EPOR: variants seen among roughly 807,000 people sequenced by gnomAD.
EPOR encodes the protein erythropoietin receptor.
Under a neutral mutation model 34.3 loss-of-function variants are expected in EPOR, and 20 were observed. The observed-to-expected ratio is 0.58, with a 90% confidence interval of 0.41 to 0.85. EPOR has a LOEUF of 0.85. Ranked by LOEUF, EPOR falls within the 40% of genes least tolerant of loss-of-function variation. The pLI is 0.00. For synonymous variants in EPOR, 312 were observed against 299.0 expected (o/e 1.04, Z -0.45); for missense variants, 601 against 672.7 (o/e 0.89, Z 1.18).
intron 2 of EPOR, 100 bp from the exon 3 acceptor site, chr19:11,382,205 C>T (rs1968372583): frequency 3.1e-6 from 3 of 979,240 alleles, no homozygotes; most frequent in Admixed American, 2.1e-5. Context: ...CAAGGTCTAG[C>T]CTTGTGTGTG....
rs1187587458 is a variant in EPOR at position 11,383,412 on chromosome 19, G to A, written c.116-180C>T. The A allele has an allele frequency of 3.3e-6, 2 of 607,328 alleles. No individual in the cohort carries two copies. The highest frequency in any genetic ancestry group is 5.6e-6 in the Non-Finnish European group (2 of 357,964). The allele number at this position is 607,328 out of a possible 1,614,324, so 37.6% of individuals were successfully genotyped here. ...AGGTGGTGCCCCCCTAATTCCCAGG[G>A]GCAAGTTTCTCGCCTTACTGTCCCC... is the stretch of plus-strand genomic sequence containing the variant. On this transcript the variant is annotated intron_variant, in intron 1 of 7. Coordinates refer to ENST00000222139, the MANE Select transcript of EPOR (RefSeq NM_000121.4). This position sits in a 1 kb window ranked among gnomAD's most constrained non-coding sequence, Gnocchi z 4.9.
In EPOR at chr19:11,384,139, G is replaced by C. The variant is rs755572218; in HGVS notation, c.69C>G (p.Ala23=). 2 of 1,550,320 alleles carry C rather than the reference G, an allele frequency of 1.3e-6. No individual in the cohort carries two copies. Among genetic ancestry groups the C allele is most frequent in the Admixed American group, 3.9e-5 (2 of 50,888 alleles). The part of the protein sequence containing the change: ...GSLCLLLAGA[A]WAPPPNLPDP... ...CCGGGAGGTTAGGCGGGGGCGCCCA[G>C]GCGGCCCCAGCGAGCAGGAGACAAA... Residue 23 remains alanine (A), a synonymous_variant, in exon 1 of 8, where the codon GCC becomes GCG. Transcript: ENST00000222139.
rs762269631 is a variant in EPOR at position 11,379,818 on chromosome 19, C to T, written c.828-1040G>A. 4.3e-4 allele frequency among the ~76,000 whole-genome samples: 66 copies of T among 152,294 alleles called. No homozygotes were observed. In the Middle Eastern group the frequency reaches 0.01, roughly 24 times the overall value. Reference sequence around the variant, plus strand: ...CCAGGTTCAAGTGATTCTCCTGCCTCAGCCTCCCGAGTAGCGGGGATTACA... The same window carrying T: ...CCAGGTTCAAGTGATTCTCCTGCCTTAGCCTCCCGAGTAGCGGGGATTACA... On this transcript the variant is annotated intron_variant, in intron 6 of 7. Coordinates refer to ENST00000222139, the MANE Select transcript of EPOR (RefSeq NM_000121.4).
chr19:11,381,414 C>G lies in EPOR; in HGVS notation c.586-205G>C. On this transcript the variant is annotated intron_variant, in intron 4 of 7. Transcript: ENST00000222139. This position sits in a 1 kb window ranked among gnomAD's most constrained non-coding sequence, Gnocchi z 5.3. ...CTGGTACGAAAGGGCGGGACCCGGG[C>G]AATTTAATATCTGGGCTAGCACTCG... 2 of 694,172 alleles carry G rather than the reference C, an allele frequency of 2.9e-6. No individual in the cohort carries two copies. Among genetic ancestry groups the G allele is most frequent in the South Asian group, 3.6e-5 (2 of 54,874 alleles). The allele number at this position is 694,172 out of a possible 1,614,324, so 43.0% of individuals were successfully genotyped here.
In EPOR at chr19:11,383,609, A is replaced by C; in HGVS notation, c.116-377T>G. On this transcript the variant is annotated intron_variant, in intron 1 of 7. Transcript: ENST00000222139. The surrounding 1 kb of genome is among the most constrained non-coding windows in gnomAD (Gnocchi z 4.9). ...ATCGGCCCCGGCAGGCTCCCCGCCA[A>C]CCGATAGCGCCAACCGTGCCCCCCG... 4.2e-6 allele frequency: 1 copy of C among 237,166 alleles called. No homozygotes were observed. The highest frequency in any genetic ancestry group is 6.3e-5 in the South Asian group (1 of 15,940). The allele number at this position is 237,166 out of a possible 1,614,324, so 14.7% of individuals were successfully genotyped here.
At position 11,382,091 on chromosome 19, in the gene EPOR, T is replaced by C; in HGVS notation, c.266A>G (p.Lys89Arg). Reference protein sequence around the residue: ...FSYQLEDEPWKLCRLHQAPTA... With the variant: ...FSYQLEDEPWRLCRLHQAPTA... ...GGGAGCCTGGTGCAGGCGACACAGC[T>C]TCCATGGCTCATCCCTATGCGCCCA... The change falls in exon 3 of 8, where the codon AAG (lysine) becomes AGG (arginine). Residue 89 changes from lysine to arginine, a missense_variant. Physicochemically the swap from Lys to Arg is conservative, Grantham distance 26. Coordinates refer to ENST00000222139, the MANE Select transcript of EPOR (RefSeq NM_000121.4). 6.2e-7 allele frequency: 1 copy of C among 1,613,754 alleles called. No homozygotes were observed. Among genetic ancestry groups the C allele is most frequent in the Non-Finnish European group, 8.5e-7 (1 of 1,179,826 alleles).
rs528356712 is a variant in EPOR at position 11,377,796 on chromosome 19, C to CA, written c.*187dup. On this transcript the variant is annotated 3_prime_UTR_variant, in exon 8 of 8. Coordinates refer to ENST00000222139, the MANE Select transcript of EPOR (RefSeq NM_000121.4). ...ATATGTGTATATATATATATAGATA[C>CA]AAAAAAAAACTATACATATTTAAAA... is the stretch of plus-strand genomic sequence containing the variant. 521 of 737,932 alleles carry CA rather than the reference C, an allele frequency of 7.1e-4. 2 individuals are homozygous for CA. The highest frequency in any genetic ancestry group is 2.6e-3 in the African/African-American group (148 of 56,908). 45.7% of individuals were successfully genotyped at this position (737,932 alleles called of 1,614,324 possible). A position where few individuals can be genotyped will look rare whatever the true frequency, so the allele number is the denominator to read the frequency against.
rs1426751327 is a variant in EPOR at position 11,381,544 on chromosome 19, G to C, written c.585+148C>G. Reference sequence around the variant, plus strand: ...ACATTAGGAAAGGGGGTGTGTCTGTGGGCGTGGAACGGTCTTCAGCACCAG... The same window carrying C: ...ACATTAGGAAAGGGGGTGTGTCTGTCGGCGTGGAACGGTCTTCAGCACCAG... On this transcript the variant is annotated intron_variant, in intron 4 of 7. Transcript: ENST00000222139. The surrounding 1 kb of genome is among the most constrained non-coding windows in gnomAD (Gnocchi z 5.3). 1.2e-6 allele frequency: 1 copy of C among 818,890 alleles called. No homozygotes were observed. The highest frequency in any genetic ancestry group is 2.6e-5 in the Admixed American group (1 of 38,664). The allele number at this position is 818,890 out of a possible 1,614,324, so 50.7% of individuals were successfully genotyped here.
rs565787784 is a variant in EPOR at position 11,384,176 on chromosome 19, T to G, written c.32A>C (p.Gln11Pro). 5.2e-5 allele frequency: 81 copies of G among 1,548,700 alleles called. 1 individual carries two copies. The South Asian group carries it at 9.3e-4, about 18-fold the overall frequency. Residue 11 changes from glutamine to proline, a missense_variant, in exon 1 of 8, where the codon CAG becomes CCG. Gln to Pro is a moderately conservative substitution (Grantham distance 76). Coordinates refer to ENST00000222139, the MANE Select transcript of EPOR (RefSeq NM_000121.4). MDHLGASLWPQVGSLCLLLAG... is the reference protein window; with the variant it reads MDHLGASLWPPVGSLCLLLAG... ...GAGCAGGAGACAAAGGGAGCCGACC[T>G]GGGGCCAGAGGGACGCCCCGAGGTG...
At chr19:11,382,213 G>A in intron 2 of EPOR, 108 bp from the exon 3 acceptor site, 2 of 893,854 alleles carry the variant, frequency 2.2e-6, no homozygotes, top group South Asian at 1.6e-5. Context: ...AGCCTTGTGT[G>A]TGTGTGTGAC....
rs773772836 is a variant in EPOR at position 11,382,116 on chromosome 19, A to G, written c.252-11T>C. 2.2e-5 allele frequency: 36 copies of G among 1,611,464 alleles called. No homozygotes were observed. The highest frequency in any genetic ancestry group is 2.8e-5 in the Non-Finnish European group (33 of 1,178,508). ...TTCCATGGCTCATCCCTATGCGCCC[A>G]GGGAAGGGAGCAGGTTGGGAGGGGG... On this transcript the variant is annotated splice_polypyrimidine_tract_variant and intron_variant, in intron 2 of 7. Transcript: ENST00000222139.
Position 11,378,188 on chromosome 19 carries a change from C to T in EPOR, c.1323G>A (p.Leu441=), listed in dbSNP as rs2144693933. 2 of 1,614,098 alleles carry T rather than the reference C, an allele frequency of 1.2e-6. No homozygotes were observed. Among genetic ancestry groups the T allele is most frequent in the Non-Finnish European group, 1.7e-6 (2 of 1,180,016 alleles). ...GTGGGGTAGGGGGCAGCTCAGGGCA[C>T]AGTGTCCATGGACGCAAGAGCTGGG... ...PSSQLLRPWT[L]CPELPPTPPH... Residue 441 remains leucine, a synonymous_variant, in exon 8 of 8, where the codon CTG becomes CTA. Transcript: ENST00000222139. The surrounding 1 kb of genome is among the most constrained non-coding windows in gnomAD (Gnocchi z 5.3).
rs1968350306 is a variant in EPOR at position 11,381,128 on chromosome 19, G to A, written c.667C>T (p.Arg223Cys). 6 of 1,575,758 alleles carry A rather than the reference G, an allele frequency of 3.8e-6. No individual in the cohort carries two copies. The highest frequency in any genetic ancestry group is 5.2e-6 in the Non-Finnish European group (6 of 1,160,556). Residue 223 changes from arginine to cysteine, a missense_variant, in exon 5 of 8, where the codon CGT (arginine) becomes TGT (cysteine). Physicochemically the swap from Arg to Cys is radical, Grantham distance 180. Transcript: ENST00000222139. The surrounding 1 kb of genome is among the most constrained non-coding windows in gnomAD (Gnocchi z 5.3). ...RTRYTFAVRA[R>C]MAEPSFGGFW... The stretch of plus-strand genomic sequence containing the variant: ...CCGCCGAAGCTCGGCTCAGCCATAC[G>A]CGCGCGGACGGCGAAGGTGTAGCGC...
At position 11,383,355 on chromosome 19, in the gene EPOR, T is replaced by G. The variant is rs1339785771; in HGVS notation, c.116-123A>C. 9.8e-7 allele frequency: 1 copy of G among 1,018,572 alleles called. No individual in the cohort carries two copies. 63.1% of individuals were successfully genotyped at this position (1,018,572 alleles called of 1,614,324 possible). ...AAGAAAAAAGCCCCGCCCTGCCATCTTCCCAAGCGGGTCCCTTGGAGGGGT... is the reference window on the plus strand; with the variant it reads ...AAGAAAAAAGCCCCGCCCTGCCATCGTCCCAAGCGGGTCCCTTGGAGGGGT... On this transcript the variant is annotated intron_variant, in intron 1 of 7. Coordinates refer to ENST00000222139, the MANE Select transcript of EPOR (RefSeq NM_000121.4). The surrounding 1 kb of genome is among the most constrained non-coding windows in gnomAD (Gnocchi z 4.9).
rs1165854909 is a variant in EPOR at position 11,382,242 on chromosome 19, C to G, written c.252-137G>C. On this transcript the variant is annotated intron_variant, in intron 2 of 7. Transcript: ENST00000222139. ...GTGTGACAAGGTGTTCCTTCGTCGC[C>G]CAGGCTGGAGTGCAGTGGCGCGATC... 5 of 749,292 alleles carry G rather than the reference C, an allele frequency of 6.7e-6. No homozygotes were observed. In the African/African-American group the frequency reaches 8.7e-5, roughly 13 times the overall value. The allele number at this position is 749,292 out of a possible 1,614,324, so 46.4% of individuals were successfully genotyped here. A position where few individuals can be genotyped will look rare whatever the true frequency, so the allele number is the denominator to read the frequency against.
chr19:11,377,600 T>G lies in EPOR; in HGVS notation c.*384A>C. Reference sequence around the variant, plus strand: ...CATTTAATGTGGTAAGCCAGTAAGATTTAAGAGCTGTTTAACATACTATTT... The same window carrying G: ...CATTTAATGTGGTAAGCCAGTAAGAGTTAAGAGCTGTTTAACATACTATTT... On this transcript the variant is annotated 3_prime_UTR_variant, in exon 8 of 8. Transcript: ENST00000222139. 1 of 461,300 alleles carries G rather than the reference T, an allele frequency of 2.2e-6. No homozygotes were observed. The allele number at this position is 461,300 out of a possible 1,614,324, so 28.6% of individuals were successfully genotyped here. A position where few individuals can be genotyped will look rare whatever the true frequency, so the allele number is the denominator to read the frequency against.
chr19:11,382,890 C>T, intron 2 of EPOR: 7 of 1,525,512 alleles, frequency 4.6e-6, no homozygotes, highest in Non-Finnish European at 6.1e-6. Context: ...TGTTTGGGGT[C>T]GCGTTCCAGC....
In EPOR at chr19:11,383,056, C is replaced by A; in HGVS notation, c.251+41G>T. The A allele has an allele frequency of 1.2e-6, 2 of 1,612,330 alleles. No homozygotes were observed. Among genetic ancestry groups the A allele is most frequent in the South Asian group, 1.1e-5 (1 of 91,058 alleles). On this transcript the variant is annotated intron_variant, in intron 2 of 7. Coordinates refer to ENST00000222139, the MANE Select transcript of EPOR (RefSeq NM_000121.4). The surrounding 1 kb of genome is among the most constrained non-coding windows in gnomAD (Gnocchi z 4.9). ...ACCTCCAGGGAGCTCTGCCCCACCC[C>A]CTCCCTCCGCCCTTGGAGGCACCCG...
rs768508781 is a variant in EPOR at position 11,377,943 on chromosome 19, C to G, written c.*41G>C. 18 of 1,612,626 alleles carry G rather than the reference C, an allele frequency of 1.1e-5. No homozygotes were observed. ...TAAGTCTTGAGTCTGCACTGGTTCT[C>G]TGAGTCATATTGGATCCCTGATCAT... On this transcript the variant is annotated 3_prime_UTR_variant, in exon 8 of 8. Transcript: ENST00000222139.
Sources: gnomAD v4.1 joint callset for allele counts (sites outside exome capture counted in the v4.1 genomes callset) on GRCh38, gnomAD v4.1.1 for gene constraint, Gnocchi (gnomAD v3.1) non-coding constraint, MANE v1.5 for transcripts, NCBI Gene and HGNC (gene_info 2026-07-23, HGNC 2026-07-21) for gene names.